The following EIF4EBP2 variants were observed in gnomAD, a reference collection of about 807,000 sequenced individuals.
The protein encoded by EIF4EBP2 is eukaryotic translation initiation factor 4E binding protein 2.
In EIF4EBP2, 5 loss-of-function variants were observed where a neutral mutation model predicts 10.3. The observed-to-expected ratio is 0.48, with a 90% CI of 0.25 to 1.02. The LOEUF is 1.02. Ranked by LOEUF, EIF4EBP2 falls within the 50% of genes least tolerant of loss-of-function variation. The pLI is 0.15. For synonymous variants in EIF4EBP2, 67 were observed against 61.1 expected (o/e 1.10, Z -0.45); for missense variants, 188 against 162.2 (o/e 1.16, Z -0.86).
At chr10:70,409,829 G>A (rs1845023854) in intron 1 of EIF4EBP2, among the ~76,000 whole-genome samples, 1 of 152,170 alleles carries the variant, frequency 6.6e-6, no homozygotes, top group Non-Finnish European at 1.5e-5. Context: ...AAAGTATGCT[G>A]TTACCATAAC....
rs754951880 is a variant in EIF4EBP2 at position 70,419,923 on chromosome 10, T to C, written c.155T>C (p.Ile52Thr). ...LFSTTPGGTRIIYDRKFLLDR... is the reference protein window; with the variant it reads ...LFSTTPGGTRTIYDRKFLLDR... ...TAACCCTGTTTTCCAGGAACTCGAA[T>C]CATTTATGACAGAAAGTTTCTGTTG... The change falls in exon 2 of 3, where the codon ATC becomes ACC. Residue 52 changes from isoleucine to threonine, a missense_variant. Transcript: ENST00000373218. 6 of 1,570,110 alleles carry C rather than the reference T, an allele frequency of 3.8e-6. No homozygotes were observed. Among genetic ancestry groups the C allele is most frequent in the Non-Finnish European group, 5.2e-6 (6 of 1,161,528 alleles).
intron 1 of EIF4EBP2, among the ~76,000 whole-genome samples, chr10:70,418,856 C>T (rs144991245): frequency 1.3e-5 from 2 of 152,276 alleles, no homozygotes; most frequent in African/African-American, 4.8e-5. Flanking sequence ...TGCTCTGTTG[C>T]CCAGGCTGGA....
At chr10:70,416,256 G>A (rs1845092918) in intron 1 of EIF4EBP2, among the ~76,000 whole-genome samples, 1 of 152,132 alleles carries the variant, frequency 6.6e-6, no homozygotes, top group Admixed American at 6.6e-5. Flanking sequence ...ACTGCTGATG[G>A]GAATGTAAAA....
chr10:70,417,249 C>CCA lies in EIF4EBP2; in HGVS notation c.146-2665_146-2664insCA, dbSNP rs751076599. Among the ~76,000 whole-genome samples, 7 of 152,186 alleles carry CCA rather than the reference C, an allele frequency of 4.6e-5. No homozygotes were observed. In the South Asian group the frequency reaches 6.2e-4, roughly 14 times the overall value. On this transcript the variant is annotated intron_variant, in intron 1 of 2. Transcript: ENST00000373218. ...AAGTGAAAGAAGCAGTCACAAAAGA[C>CCA]TGTATTGTATGATTCCATTTATATG... is the stretch of plus-strand genomic sequence containing the variant.
chr10:70,422,836 T>C lies in EIF4EBP2; in HGVS notation c.*1089T>C, dbSNP rs1038451395. 2 of 152,238 alleles carry C rather than the reference T, an allele frequency of 1.3e-5. No homozygotes were observed. The highest frequency in any genetic ancestry group is 1.5e-5 in the Non-Finnish European group (1 of 68,046). 9.4% of individuals were successfully genotyped at this position (152,238 alleles called of 1,614,324 possible). ...TTTGAAGTTGATTTTCAGAATGTTC[T>C]TAGAAAAGAACTGCATTTTTTTCCT... On this transcript the variant is annotated 3_prime_UTR_variant, in exon 3 of 3. Transcript: ENST00000373218.
rs914816656 is a variant in EIF4EBP2, at chr10:70,423,627, A to G, written c.*1880A>G. The G allele has an allele frequency of 6.6e-6, 1 of 152,396 alleles. No homozygotes were observed. Among genetic ancestry groups the G allele is most frequent in the Non-Finnish European group, 1.5e-5 (1 of 68,036 alleles). The allele number at this position is 152,396 out of a possible 1,614,324, so 9.4% of individuals were successfully genotyped here. A position where few individuals can be genotyped will look rare whatever the true frequency, so the allele number is the denominator to read the frequency against. On this transcript the variant is annotated 3_prime_UTR_variant, in exon 3 of 3. Coordinates refer to ENST00000373218, the MANE Select transcript of EIF4EBP2 (RefSeq NM_004096.5). ...TAACAGGCCATTTGGCCAAGAAAGA[A>G]ACCTGTTTGTTTTTCTTTTGAACTA...
At chr10:70,405,478 C>T (rs1564659584) in intron 1 of EIF4EBP2, among the ~76,000 whole-genome samples, 1 of 152,216 alleles carries the variant, frequency 6.6e-6, no homozygotes, top group Non-Finnish European at 1.5e-5. Flanking sequence ...GGCTGTCCTC[C>T]AGAGGGAGGA....
chr10:70,417,652 C>G (rs1298098979), intron 1 of EIF4EBP2, among the ~76,000 whole-genome samples: 3 of 152,152 alleles, frequency 2.0e-5, no homozygotes, highest in Admixed American at 2.0e-4. Context: ...TGCGTTGTTG[C>G]TGATACATAA....
rs536965838 is a variant in EIF4EBP2 at position 70,425,506 on chromosome 10, A to G, written c.*3759A>G. 3 of 152,374 alleles carry G rather than the reference A, an allele frequency of 2.0e-5. No homozygotes were observed. Among genetic ancestry groups the G allele is most frequent in the African/African-American group, 7.2e-5 (3 of 41,592 alleles). 9.4% of individuals were successfully genotyped at this position (152,374 alleles called of 1,614,324 possible). ...TAAGCTGAAAGATAGATTGCTATCA[A>G]AAACAGTTCTCCAAGATGTGCATAG... On this transcript the variant is annotated 3_prime_UTR_variant, in exon 3 of 3. Coordinates refer to ENST00000373218, the MANE Select transcript of EIF4EBP2 (RefSeq NM_004096.5).
intron 1 of EIF4EBP2, among the ~76,000 whole-genome samples, chr10:70,412,992 T>C (rs1253001077): frequency 2.0e-5 from 3 of 152,204 alleles, no homozygotes; most frequent in Non-Finnish European, 4.4e-5. Flanking sequence ...TTCAGCAGTT[T>C]CTGTTTACAG....
intron 1 of EIF4EBP2, among the ~76,000 whole-genome samples, chr10:70,409,318 A>G (rs1315030933): frequency 6.6e-6 from 1 of 151,086 alleles, no homozygotes; most frequent in Non-Finnish European, 1.5e-5. Flanking sequence ...TTTTTTTTCT[A>G]TCTGCCTGTG....
chr10:70,414,570 A>G lies in EIF4EBP2; in HGVS notation c.146-5344A>G, dbSNP rs536554920. ...AGGTTGCAAGATAAAAGAGCCATAT[A>G]GAAAAACCTGTTTTTGGCCCAGCAC... On this transcript the variant is annotated intron_variant, in intron 1 of 2. Coordinates refer to ENST00000373218, the MANE Select transcript of EIF4EBP2 (RefSeq NM_004096.5). Among the ~76,000 whole-genome samples, 3 of 152,368 alleles carry G rather than the reference A, an allele frequency of 2.0e-5. No individual in the cohort carries two copies. In the South Asian group the frequency reaches 6.2e-4, roughly 32 times the overall value.
At chr10:70,407,839 G>A (rs1844993237) in intron 1 of EIF4EBP2, among the ~76,000 whole-genome samples, 1 of 137,756 alleles carries the variant, frequency 7.3e-6, no homozygotes, top group African/African-American at 2.7e-5. Context: ...CAGATGGGGC[G>A]GCTGGCCGGG....
chr10:70,409,824 A>G (rs1032763319), intron 1 of EIF4EBP2, among the ~76,000 whole-genome samples: 2 of 152,188 alleles, frequency 1.3e-5, no homozygotes, highest in African/African-American at 4.8e-5. Flanking sequence ...ATGGAAAAGT[A>G]TGCTGTTACC....
intron 1 of EIF4EBP2, among the ~76,000 whole-genome samples, chr10:70,406,855 T>G (rs1049678703): frequency 6.6e-6 from 1 of 152,268 alleles, no homozygotes; most frequent in Non-Finnish European, 1.5e-5. Context: ...TGAGCTTGTA[T>G]TTATTGGGAG....
At chr10:70,406,499 T>G (rs1844965506) in intron 1 of EIF4EBP2, among the ~76,000 whole-genome samples, 1 of 151,518 alleles carries the variant, frequency 6.6e-6, no homozygotes, top group Non-Finnish European at 1.5e-5. Context: ...TCAGCTATAA[T>G]GTATTTGGAA....
rs1351070319 is a variant in EIF4EBP2, at chr10:70,420,084, AG to A, written c.318del (p.Lys107AsnfsTer33). 6.2e-7 allele frequency: 1 copy of A among 1,605,972 alleles called. No individual in the cohort carries two copies. Among genetic ancestry groups the A allele is most frequent in the Non-Finnish European group, 8.5e-7 (1 of 1,177,430 alleles). ...NNLNNLNNHDRKHAVGDDAQF... is the reference protein window; with the variant it reads ...NNLNNLNNHDXKHAVGDDAQF... The stretch of plus-strand genomic sequence containing the variant: ...TTTGAACAACTTGAACAATCACGAC[AG>A]GAAACATGCAGTTGGTAAGAGAATG... On this transcript the variant is annotated frameshift_variant, in exon 2 of 3. Coordinates refer to ENST00000373218, the MANE Select transcript of EIF4EBP2 (RefSeq NM_004096.5). LOFTEE classifies it high-confidence loss of function.
At chr10:70,411,979 T>G (rs1198084469) in intron 1 of EIF4EBP2, among the ~76,000 whole-genome samples, 1 of 152,212 alleles carries the variant, frequency 6.6e-6, no homozygotes, top group East Asian at 1.9e-4. Flanking sequence ...TCAATAGCTA[T>G]TCCCTCTTCT....
chr10:70,419,955 C>A lies in EIF4EBP2; in HGVS notation c.187C>A (p.Arg63Ser). 1 of 1,597,686 alleles carries A rather than the reference C, an allele frequency of 6.3e-7. No individual in the cohort carries two copies. The highest frequency in any genetic ancestry group is 8.5e-7 in the Non-Finnish European group (1 of 1,175,160). ...IYDRKFLLDRRNSPMAQTPPC... is the reference protein window; with the variant it reads ...IYDRKFLLDRSNSPMAQTPPC... ...TGACAGAAAGTTTCTGTTGGATCGT[C>A]GCAATTCTCCCATGGCTCAGACCCC... Residue 63 changes from arginine to serine, a missense_variant, in exon 2 of 3, where the codon CGC becomes AGC. Arg to Ser is a moderately radical substitution (Grantham distance 110). Transcript: ENST00000373218.
Sources: allele counts gnomAD v4.1 joint callset (sites outside exome capture counted in the v4.1 genomes callset), GRCh38; gene constraint gnomAD v4.1.1; transcripts MANE v1.5; gene names NCBI Gene and HGNC (gene_info 2026-07-23, HGNC 2026-07-21).